Variants in CA10 observed in about 807,000 individuals in gnomAD.
The protein encoded by CA10 is carbonic anhydrase 10 (inactive), also known as carbonic anhydrase-related protein 10.
CA10 carries 14 observed loss-of-function variants against 44.2 expected under a neutral mutation model. That is an observed-to-expected ratio of 0.32 (90% CI 0.21 to 0.50). The LOEUF is 0.50. CA10 is among the 20% of genes least tolerant of loss of function. The probability of loss-of-function intolerance (pLI) is 0.99; values close to 1 mark genes in which losing one functional copy is unlikely to be tolerated. For synonymous variants in CA10, 159 were observed against 141.6 expected (o/e 1.12, Z -0.87); for missense variants, 350 against 409.7 (o/e 0.85, Z 1.26).
intron 2 of CA10, among the ~76,000 whole-genome samples, chr17:52,016,926 T>G (rs1490242065): frequency 6.6e-6 from 1 of 151,818 alleles, no homozygotes; most frequent in Non-Finnish European, 1.5e-5. Context: ...ATAAATAAAT[T>G]AATTAAAATA....
At chr17:51,804,222 A>G (rs1344193259) in intron 3 of CA10, among the ~76,000 whole-genome samples, 3 of 152,200 alleles carry the variant, frequency 2.0e-5, no homozygotes, top group South Asian at 4.1e-4. Flanking sequence ...ACAAATTTCT[A>G]TAAATTAATC....
chr17:52,001,909 T>C (rs914542956), intron 2 of CA10, among the ~76,000 whole-genome samples: 4 of 151,972 alleles, frequency 2.6e-5, no homozygotes, highest in African/African-American at 9.7e-5. Context: ...AGGGCAGCCT[T>C]CCATTTGGCT....
At chr17:51,660,338 A>G (rs1913954104) in intron 4 of CA10, among the ~76,000 whole-genome samples, 1 of 152,218 alleles carries the variant, frequency 6.6e-6, no homozygotes, top group Admixed American at 6.5e-5. Context: ...TATGCACTTA[A>G]TTGAAGTGGA....
intron 4 of CA10, among the ~76,000 whole-genome samples, chr17:51,675,066 T>A (rs998114158): frequency 1.3e-5 from 2 of 152,188 alleles, no homozygotes; most frequent in African/African-American, 4.8e-5. Context: ...CAGAACTGTC[T>A]CCAGAAGGCT....
intron 3 of CA10, among the ~76,000 whole-genome samples, chr17:51,903,274 GC>G (rs2143935144): frequency 6.6e-6 from 1 of 152,124 alleles, no homozygotes; most frequent in Admixed American, 6.6e-5. Context: ...TTCCTCCAAG[GC>G]TTGGCTATTC....
chr17:51,791,223 C>T (rs1906506497), intron 3 of CA10, among the ~76,000 whole-genome samples: 1 of 152,172 alleles, frequency 6.6e-6, no homozygotes, highest in African/African-American at 2.4e-5. Context: ...AAGGTCTAGG[C>T]ATTCCAAATT....
chr17:52,103,846 A>G (rs932413413), intron 1 of CA10, among the ~76,000 whole-genome samples: 1 of 152,204 alleles, frequency 6.6e-6, no homozygotes, highest in African/African-American at 2.4e-5. Context: ...GGTGGATGAC[A>G]TGACTTCACA....
chr17:51,736,194 GAT>G (rs1180404105), intron 4 of CA10, among the ~76,000 whole-genome samples: 2 of 152,162 alleles, frequency 1.3e-5, no homozygotes, highest in African/African-American at 4.8e-5. Context: ...GGTCACAGCT[GAT>G]AGAGCCAGGA....
At chr17:51,691,463 A>T (rs1915189519) in intron 4 of CA10, among the ~76,000 whole-genome samples, 1 of 152,130 alleles carries the variant, frequency 6.6e-6, no homozygotes, top group Non-Finnish European at 1.5e-5. Flanking sequence ...TACATTTTGG[A>T]TATCAACTTC....
At position 52,026,729 on chromosome 17, in the gene CA10, T is replaced by C. The variant is rs555280396; in HGVS notation, c.136+45590A>G. Among the ~76,000 whole-genome samples, 4 of 152,200 alleles carry C rather than the reference T, an allele frequency of 2.6e-5. No homozygotes were observed. In the East Asian group the frequency reaches 5.8e-4, roughly 22 times the overall value. ...CCTGAGATTTCAAGAGAGCTCACTATTATGAGAACAGCAGCATGGGGGTAA... is the reference window on the plus strand; with the variant it reads ...CCTGAGATTTCAAGAGAGCTCACTACTATGAGAACAGCAGCATGGGGGTAA... On this transcript the variant is annotated intron_variant, in intron 2 of 8. Coordinates refer to ENST00000451037, the MANE Select transcript of CA10 (RefSeq NM_020178.5).
At chr17:51,831,204 C>T (rs1908227238) in intron 3 of CA10, among the ~76,000 whole-genome samples, 2 of 152,206 alleles carry the variant, frequency 1.3e-5, no homozygotes, top group Admixed American at 6.5e-5. Context: ...GTTCCCATGG[C>T]ATGGTTGGAC....
chr17:51,778,311 C>A (rs762515791), intron 3 of CA10, among the ~76,000 whole-genome samples: 1 of 152,204 alleles, frequency 6.6e-6, no homozygotes, highest in Non-Finnish European at 1.5e-5. Context: ...TCCCCAGACT[C>A]AACTGATGGA....
chr17:51,867,252 C>T (rs1979589894), intron 3 of CA10, among the ~76,000 whole-genome samples: 1 of 152,074 alleles, frequency 6.6e-6, no homozygotes, highest in African/African-American at 2.4e-5. Context: ...GTACTGATGA[C>T]TCGTGGCATA....
intron 3 of CA10, among the ~76,000 whole-genome samples, chr17:51,814,617 A>G (rs1265126021): frequency 6.6e-6 from 1 of 152,236 alleles, no homozygotes; most frequent in Non-Finnish European, 1.5e-5. Context: ...AATATTTCAT[A>G]AAACTAGGTT....
At chr17:51,695,983 A>G (rs1198018700) in intron 4 of CA10, among the ~76,000 whole-genome samples, 1 of 152,190 alleles carries the variant, frequency 6.6e-6, no homozygotes, top group African/African-American at 2.4e-5. Context: ...ATTCATATAT[A>G]TTGAACCAAC....
Position 51,874,865 on chromosome 17 carries a change from C to T in CA10, c.279+56125G>A, listed in dbSNP as rs183000977. 1.8e-4 allele frequency among the ~76,000 whole-genome samples: 27 copies of T among 152,292 alleles called. No homozygotes were observed. The East Asian group carries it at 5.0e-3, about 28-fold the overall frequency. ...TGCAACTTAAACTGGGTCTTTCCTC[C>T]TGTTGACATGTCTCCACGCTTACCC... On this transcript the variant is annotated intron_variant, in intron 3 of 8. Transcript: ENST00000451037.
intron 2 of CA10, among the ~76,000 whole-genome samples, chr17:52,037,356 AAGG>A (rs748292034): frequency 2.0e-5 from 3 of 152,154 alleles, no homozygotes; most frequent in Non-Finnish European, 2.9e-5. Flanking sequence ...GAATAATTTT[AAGG>A]AGGAGTTGCA....
chr17:51,642,190 T>C (rs1913118112), intron 6 of CA10, among the ~76,000 whole-genome samples: 1 of 152,220 alleles, frequency 6.6e-6, no homozygotes. Context: ...AGTAACTACT[T>C]AGATTGCAAC....
chr17:51,647,361 G>A (rs1913382229), intron 6 of CA10, among the ~76,000 whole-genome samples: 1 of 152,178 alleles, frequency 6.6e-6, no homozygotes, highest in Middle Eastern at 3.2e-3. Context: ...CCGGCCTTCA[G>A]TGCTCTCCAG....
Sources: allele counts gnomAD v4.1 joint callset (sites outside exome capture counted in the v4.1 genomes callset), GRCh38; gene constraint gnomAD v4.1.1; transcripts MANE v1.5; gene names NCBI Gene and HGNC (gene_info 2026-07-23, HGNC 2026-07-21).